The following HMGB1 variants were observed in gnomAD, a reference collection of about 807,000 sequenced individuals.
HMGB1 encodes the protein high mobility group protein B1.
For missense variants in HMGB1, 79 were observed against 253.5 expected (o/e 0.31, Z 4.67); for synonymous variants, 81 against 84.0 (o/e 0.96, Z 0.19).
At chr13:30,509,420 G>A (rs980532277) in intron 1 of HMGB1, among the ~76,000 whole-genome samples, 19 of 152,090 alleles carry the variant, frequency 1.2e-4, no homozygotes, top group African/African-American at 3.9e-4. Context: ...TGTATTTTTA[G>A]TTGAGACGGG....
rs558203664 is a variant in HMGB1, at chr13:30,597,002, G to A, written c.-15+19669C>T. 8.1e-4 allele frequency among the ~76,000 whole-genome samples: 123 copies of A among 152,286 alleles called. 1 individual carries two copies. Among genetic ancestry groups the A allele is most frequent in the African/African-American group, 2.7e-3 (113 of 41,574 alleles). ...ATACTGGTTCTGCTCCTAGACAGCT[G>A]TATGATTTGAATGACTTCTTTATAC... On this transcript the variant is annotated intron_variant, in intron 1 of 4. Coordinates refer to the HMGB1 transcript ENST00000405805.
At chr13:30,616,758 T>C (rs1470933364) in exon 1 of HMGB1, 1 of 152,204 alleles carries the variant, frequency 6.6e-6, no homozygotes. Flanking sequence ...AAAATCCTTT[T>C]TACTAAATAA....
Position 30,553,994 on chromosome 13 carries a change from AGTT to A in HMGB1, c.-15+62674_-15+62676del, listed in dbSNP as rs1348832485. On this transcript the variant is annotated intron_variant, in intron 1 of 4. Transcript: ENST00000405805. ...CGGTTTGGCAGCAGAAGACCAAAGC[AGTT>A]GTTGTGCTGAACCGCATTGTGGAGA... The A allele has an allele frequency of 4.0e-6, 6 of 1,487,136 alleles. No homozygotes were observed. In the African/African-American group the frequency reaches 4.2e-5, roughly 10 times the overall value. 92.1% of individuals were successfully genotyped at this position (1,487,136 alleles called of 1,614,324 possible).
intron 1 of HMGB1, among the ~76,000 whole-genome samples, chr13:30,477,499 C>T (rs1887125675): frequency 6.6e-6 from 1 of 152,262 alleles, no homozygotes; most frequent in East Asian, 1.9e-4. Flanking sequence ...AGCCAAGCTC[C>T]CCAGCAGACC....
At chr13:30,580,014 T>C (rs1463308966) in intron 1 of HMGB1, among the ~76,000 whole-genome samples, 1 of 152,200 alleles carries the variant, frequency 6.6e-6, no homozygotes, top group Admixed American at 6.5e-5. Flanking sequence ...ACAATCTTAC[T>C]TAAGACGAAA....
At chr13:30,504,801 G>A (rs1331092250) in intron 1 of HMGB1, among the ~76,000 whole-genome samples, 2 of 151,062 alleles carry the variant, frequency 1.3e-5, no homozygotes, top group Non-Finnish European at 2.9e-5. Flanking sequence ...AAAGACTGGA[G>A]TTGGAGGTGA....
At chr13:30,590,051 G>A (rs1024613348) in intron 1 of HMGB1, among the ~76,000 whole-genome samples, 4 of 152,160 alleles carry the variant, frequency 2.6e-5, no homozygotes, top group Middle Eastern at 3.4e-3. Context: ...GATTACTTAC[G>A]TTGGTTACTC....
chr13:30,498,643 T>C (rs1050426619), intron 1 of HMGB1, among the ~76,000 whole-genome samples: 1 of 148,798 alleles, frequency 6.7e-6, no homozygotes, highest in Non-Finnish European at 1.5e-5. Flanking sequence ...ATTATTATTA[T>C]TATTATTATT....
At chr13:30,480,141 G>A (rs965346693) in intron 1 of HMGB1, among the ~76,000 whole-genome samples, 1 of 152,198 alleles carries the variant, frequency 6.6e-6, no homozygotes, top group East Asian at 1.9e-4. Context: ...GATGCTTTCG[G>A]AAGTTAAAGC....
At chr13:30,486,200 A>G (rs1248291015) in intron 1 of HMGB1, among the ~76,000 whole-genome samples, 1 of 152,162 alleles carries the variant, frequency 6.6e-6, no homozygotes, top group Non-Finnish European at 1.5e-5. Context: ...CCTTTGCTTC[A>G]CGGTCAGAGG....
In HMGB1 at chr13:30,503,653, T is replaced by C. The variant is rs960062362; in HGVS notation, c.-14-39959A>G. On this transcript the variant is annotated intron_variant, in intron 1 of 4. Coordinates refer to the HMGB1 transcript ENST00000405805. ...CACCGATCCTACTCAGCTTCTTTTT[T>C]TTTTTTTTTTTTTTTTTGAGAAACT... Among the ~76,000 whole-genome samples the C allele has an allele frequency of 1.7e-3, 254 of 148,600 alleles. 1 individual carries two copies. The highest frequency in any genetic ancestry group is 7.3e-3 in the South Asian group (34 of 4,686).
chr13:30,518,016 G>A (rs898865272), intron 1 of HMGB1, among the ~76,000 whole-genome samples: 1 of 152,134 alleles, frequency 6.6e-6, no homozygotes, highest in Non-Finnish European at 1.5e-5. Context: ...AGAAAGACCA[G>A]AAGTCTGCAA....
chr13:30,483,666 T>C (rs996744251), intron 1 of HMGB1, among the ~76,000 whole-genome samples: 6 of 147,422 alleles, frequency 4.1e-5, no homozygotes, highest in Non-Finnish European at 5.9e-5. Flanking sequence ...CAGGCTGGAG[T>C]GCAGTGACAT....
intron 1 of HMGB1, among the ~76,000 whole-genome samples, chr13:30,565,391 A>G (rs1176117909): frequency 6.6e-6 from 1 of 152,150 alleles, no homozygotes; most frequent in African/African-American, 2.4e-5. Context: ...AGGGCTTAAG[A>G]AAGAAAGAAA....
chr13:30,464,544 G>A (rs1593256464), intron 1 of HMGB1: 1 of 984,434 alleles, frequency 1.0e-6, no homozygotes, highest in Non-Finnish European at 1.2e-6. Flanking sequence ...TCCCAGGCCC[G>A]AGGCCGCCAC....
chr13:30,500,202 C>A (rs7326847), intron 1 of HMGB1, among the ~76,000 whole-genome samples: 3 of 151,890 alleles, frequency 2.0e-5, no homozygotes, highest in African/African-American at 7.3e-5. Flanking sequence ...TAAGATGCAG[C>A]ACGAAAGCTT....
intron 1 of HMGB1, among the ~76,000 whole-genome samples, chr13:30,571,403 T>A (rs1870423211): frequency 6.6e-6 from 1 of 151,922 alleles, no homozygotes; most frequent in Non-Finnish European, 1.5e-5. Flanking sequence ...CAGGTGATTC[T>A]CTTGCCTCAG....
At chr13:30,476,971 G>A (rs547816159) in intron 1 of HMGB1, among the ~76,000 whole-genome samples, 6 of 152,056 alleles carry the variant, frequency 3.9e-5, no homozygotes, top group Non-Finnish European at 7.3e-5. Flanking sequence ...AGAGAGATTC[G>A]TTGAATTGTC....
intron 1 of HMGB1, among the ~76,000 whole-genome samples, chr13:30,564,278 C>CAAAAAAAAAAAAAAAAAA (rs60208654): frequency 9.4e-6 from 1 of 105,846 alleles, no homozygotes. Flanking sequence ...ACTAAAAATG[C>CAAAAAAAAAAAAAAAAAA]AAAAAAAAAA....
Sources: allele counts gnomAD v4.1 joint callset (sites outside exome capture counted in the v4.1 genomes callset), GRCh38; gene constraint gnomAD v4.1.1; transcripts MANE v1.5; gene names NCBI Gene and HGNC (gene_info 2026-07-23, HGNC 2026-07-21).